The following SH3BP2 variants were observed in gnomAD, a reference collection of about 807,000 sequenced individuals.
SH3BP2 encodes SH3 domain-binding protein 2.
In SH3BP2, 38 loss-of-function variants were observed where a neutral mutation model predicts 56.2. The observed-to-expected ratio is 0.68, with a 90% CI of 0.52 to 0.89. The LOEUF is 0.89. Among genes scored for constraint, SH3BP2 ranks in the 40% least tolerant of loss-of-function variants. The pLI is 0.00. For synonymous variants in SH3BP2, 346 were observed against 316.7 expected (o/e 1.09, Z -0.98); for missense variants, 748 against 762.6 (o/e 0.98, Z 0.23).
intron 1 of SH3BP2, chr4:2,798,854 C>T (rs1357183344): frequency 2.1e-5 from 11 of 527,218 alleles, no homozygotes; most frequent in South Asian, 8.1e-5. Context: ...CAGGCCAGGC[C>T]GTGTGACCTG....
intron 1 of SH3BP2, chr4:2,818,646 C>T (rs937252967): frequency 1.0e-5 from 9 of 886,380 alleles, no homozygotes; most frequent in Non-Finnish European, 1.2e-5. Context: ...CCTCCATCCC[C>T]ACTGCGGGGC....
At position 2,837,091 on chromosome 4, in the gene SH3BP2, GC is replaced by G. The variant is rs1337608143; in HGVS notation, c.*3258del. 2.0e-5 allele frequency: 3 copies of G among 152,192 alleles called. No homozygotes were observed. Among genetic ancestry groups the G allele is most frequent in the Non-Finnish European group, 4.4e-5 (3 of 68,048 alleles). The allele number at this position is 152,192 out of a possible 1,614,324, so 9.4% of individuals were successfully genotyped here. On this transcript the variant is annotated 3_prime_UTR_variant, in exon 13 of 13. Transcript: ENST00000503393. The stretch of plus-strand genomic sequence containing the variant: ...GACACAGTCTCACTCTGTCGCCCAG[GC>G]TAGAGTGGATTGGCGTGATCTCGGC...
At position 2,812,575 on chromosome 4, in the gene SH3BP2, C is replaced by T. The variant is rs1308015869; in HGVS notation, c.-4-8039C>T. 8.4e-6 allele frequency: 12 copies of T among 1,436,112 alleles called. No homozygotes were observed. The East Asian group carries it at 3.0e-4, about 36-fold the overall frequency. The allele number at this position is 1,436,112 out of a possible 1,614,324, so 89.0% of individuals were successfully genotyped here. ...GCCCCACGTGGGAGCCACAGCCTTCCTCGGGGCTGGCCGTGGGAGCCCACA... is the reference window on the plus strand; with the variant it reads ...GCCCCACGTGGGAGCCACAGCCTTCTTCGGGGCTGGCCGTGGGAGCCCACA... On this transcript the variant is annotated intron_variant, in intron 1 of 12. Transcript: ENST00000503393.
intron 1 of SH3BP2, among the ~76,000 whole-genome samples, chr4:2,815,228 TG>T (rs1268389652): frequency 6.6e-6 from 1 of 152,118 alleles, no homozygotes. Flanking sequence ...TATCACCCCC[TG>T]GCACAGGGCA....
chr4:2,819,596 T>G (rs6820967), intron 1 of SH3BP2, among the ~76,000 whole-genome samples: 120,296 of 152,026 alleles, frequency 0.79, 48,562 homozygotes, highest in African/African-American at 0.95. Context: ...GCCACAGGAG[T>G]GACCCTACCC....
chr4:2,818,233 T>C, intron 1 of SH3BP2: 1 of 986,176 alleles, frequency 1.0e-6, no homozygotes, highest in Non-Finnish European at 1.2e-6. Flanking sequence ...CATGGCGGGC[T>C]CCGGGCCGCG....
rs1173211659 is a variant in SH3BP2, at chr4:2,829,992, A to G, written c.1086A>G (p.Ile362Met). ...VPANKPKFLK[I>M]AEEDPPREAA... is the part of the protein sequence containing the mutation. ...CCAACAAGCCCAAGTTCCTGAAGATAGCTGAAGAGGACCCCCCAAGGGAGG... is the reference window on the plus strand; with the variant it reads ...CCAACAAGCCCAAGTTCCTGAAGATGGCTGAAGAGGACCCCCCAAGGGAGG... The change falls in exon 8 of 13, where the codon ATA becomes ATG. Residue 362 changes from isoleucine (I) to methionine (M), a missense_variant. Transcript: ENST00000503393. The surrounding 1 kb of genome is among the most constrained non-coding windows in gnomAD (Gnocchi z 4.9). 1.9e-6 allele frequency: 3 copies of G among 1,613,254 alleles called. No individual in the cohort carries two copies. The highest frequency in any genetic ancestry group is 4.5e-5 in the East Asian group (2 of 44,882).
At chr4:2,802,881 A>G (rs910108749) in intron 1 of SH3BP2, among the ~76,000 whole-genome samples, 3 of 152,194 alleles carry the variant, frequency 2.0e-5, no homozygotes, top group African/African-American at 4.8e-5. Flanking sequence ...AGATGGTGAC[A>G]GGGTTCCTGG....
chr4:2,835,183 T>TG lies in SH3BP2; in HGVS notation c.*1352dup, dbSNP rs1310590413. The TG allele has an allele frequency of 1.3e-5, 2 of 152,216 alleles. No individual in the cohort carries two copies. Among genetic ancestry groups the TG allele is most frequent in the African/African-American group, 4.8e-5 (2 of 41,436 alleles). 9.4% of individuals were successfully genotyped at this position (152,216 alleles called of 1,614,324 possible). ...GGAAACCTAAACTGAGGTCAGCACT[T>TG]GGGCCCACTGACAGTGACTGACTGG... On this transcript the variant is annotated 3_prime_UTR_variant, in exon 13 of 13. Transcript: ENST00000503393.
chr4:2,801,652 C>T (rs1443845377), intron 1 of SH3BP2, among the ~76,000 whole-genome samples: 2 of 152,154 alleles, frequency 1.3e-5, no homozygotes, highest in South Asian at 2.1e-4. Context: ...AGGAAGCCAG[C>T]GCAAGGACAA....
Position 2,832,427 on chromosome 4 carries a change from A to G in SH3BP2, c.1488+15A>G. On this transcript the variant is annotated intron_variant, in intron 11 of 12. Transcript: ENST00000503393. ...AGTCGGGGAAGGTAGGCGCCAGGGG[A>G]AGATGCCCCAGGGCCCCTCTGGCTC... 1 of 1,607,760 alleles carries G rather than the reference A, an allele frequency of 6.2e-7. No individual in the cohort carries two copies. Among genetic ancestry groups the G allele is most frequent in the Non-Finnish European group, 8.5e-7 (1 of 1,174,424 alleles).
rs1724999132 is a variant in SH3BP2 at position 2,831,767 on chromosome 4, C to T, written c.1350+88C>T. 1 of 1,370,788 alleles carries T rather than the reference C, an allele frequency of 7.3e-7. No homozygotes were observed. The highest frequency in any genetic ancestry group is 2.0e-5 in the Admixed American group (1 of 51,272). The allele number at this position is 1,370,788 out of a possible 1,614,324, so 84.9% of individuals were successfully genotyped here. A position where few individuals can be genotyped will look rare whatever the true frequency, so the allele number is the denominator to read the frequency against. On this transcript the variant is annotated intron_variant, in intron 9 of 12. Transcript: ENST00000503393. The surrounding 1 kb of genome is among the most constrained non-coding windows in gnomAD (Gnocchi z 4.1). ...ATAGGCCAGGGCGGCCCCTCACAGA[C>T]CGTCCTGAGCAAGGACCCCCCGAGA...
chr4:2,795,757 G>A (rs1307335803), intron 1 of SH3BP2, among the ~76,000 whole-genome samples: 1 of 152,170 alleles, frequency 6.6e-6, no homozygotes, highest in Non-Finnish European at 1.5e-5. Flanking sequence ...CCAGTTTGAC[G>A]GGAGTGGCCT....
In SH3BP2 at chr4:2,812,428, C is replaced by T; in HGVS notation, c.-4-8186C>T. 1.9e-6 allele frequency: 3 copies of T among 1,550,336 alleles called. No individual in the cohort carries two copies. In the South Asian group the frequency reaches 3.6e-5, roughly 18 times the overall value. On this transcript the variant is annotated intron_variant, in intron 1 of 12. Coordinates refer to ENST00000503393, the MANE Select transcript of SH3BP2 (RefSeq NM_001122681.2). ...CTCCCTGGGCCCCAGGACACCGGCC[C>T]CGAGCAGGTCACGAGGACGGAGGGC...
At chr4:2,832,450 C>A in intron 11 of SH3BP2, 38 bp downstream of exon 11, 1 of 1,517,696 alleles carries the variant, frequency 6.6e-7, no homozygotes, top group Non-Finnish European at 9.2e-7. Flanking sequence ...GCCCCTCTGG[C>A]TCTCCACACA....
At chr4:2,806,768 C>T (rs1327108964) in intron 1 of SH3BP2, among the ~76,000 whole-genome samples, 1 of 152,238 alleles carries the variant, frequency 6.6e-6, no homozygotes, top group African/African-American at 2.4e-5. Context: ...GTCCCGACTC[C>T]CATGCCCATC....
chr4:2,825,113 C>A lies in SH3BP2; in HGVS notation c.358-13C>A. On this transcript the variant is annotated splice_polypyrimidine_tract_variant and intron_variant, in intron 4 of 12. Coordinates refer to ENST00000503393, the MANE Select transcript of SH3BP2 (RefSeq NM_001122681.2). The stretch of plus-strand genomic sequence containing the variant: ...GGTGGCACCGTGCCCACCACAGCCC[C>A]GCTGACCTGCAGAGCTGGATGGCCT... 1 of 1,563,406 alleles carries A rather than the reference C, an allele frequency of 6.4e-7. No individual in the cohort carries two copies. The highest frequency in any genetic ancestry group is 2.4e-5 in the East Asian group (1 of 41,648).
At chr4:2,812,725 C>T (rs1248998624) in intron 1 of SH3BP2, among the ~76,000 whole-genome samples, 1 of 137,128 alleles carries the variant, frequency 7.3e-6, no homozygotes. Context: ...ACTTAGAACC[C>T]CCCCCACCCC....
At chr4:2,808,636 G>T (rs932787252) in intron 1 of SH3BP2, among the ~76,000 whole-genome samples, 4 of 152,078 alleles carry the variant, frequency 2.6e-5, no homozygotes, top group South Asian at 2.1e-4. Context: ...CTTCTGGCTG[G>T]GGAGAGCCTG....
Sources: gnomAD v4.1 joint callset for allele counts (sites outside exome capture counted in the v4.1 genomes callset) on GRCh38, gnomAD v4.1.1 for gene constraint, Gnocchi (gnomAD v3.1) non-coding constraint, MANE v1.5 for transcripts, NCBI Gene and HGNC (gene_info 2026-07-23, HGNC 2026-07-21) for gene names.